DMD: variants seen among roughly 807,000 people sequenced by gnomAD.
DMD encodes dystrophin.
A neutral mutation model predicts 330.1 loss-of-function variants in DMD; 63 were observed. That is an observed-to-expected ratio of 0.19 (90% CI 0.16 to 0.24). The LOEUF (loss-of-function observed/expected upper bound fraction) is 0.24, where lower values mean the gene tolerates loss of function less well. DMD is among the 10% of genes least tolerant of loss of function. DMD has a pLI of 1.00. For missense variants in DMD, 3,344 were observed against 2,684.1 expected, an observed-to-expected ratio of 1.25 and a Z score of -5.43; for synonymous variants, 1,223 against 959.8, an observed-to-expected ratio of 1.27 and a Z score of -5.07.
At chrX:32,301,364 T>G (rs2097523283) in intron 42 of DMD, among the ~76,000 whole-genome samples, 1 of 110,558 alleles carries the variant, frequency 9.0e-6, no homozygotes, top group South Asian at 3.8e-4. Context: ...TTGCCTGTGG[T>G]TTGGCAAATT....
At chrX:32,042,226 T>G (rs1424678211) in intron 44 of DMD, among the ~76,000 whole-genome samples, 1 of 105,455 alleles carries the variant, frequency 9.5e-6, no homozygotes, top group Non-Finnish European at 1.9e-5. Context: ...CACACATATA[T>G]GTGCAATAAA....
intron 62 of DMD, among the ~76,000 whole-genome samples, chrX:31,287,634 C>T (rs12014197): frequency 0.33 from 36,562 of 111,010 alleles, 5,290 homozygotes; most frequent in African/African-American, 0.54. Flanking sequence ...GAGAAGAAAG[C>T]ATAATCTATA....
At chrX:32,687,992 A>T (rs1020616842) in intron 9 of DMD, among the ~76,000 whole-genome samples, 1 of 112,026 alleles carries the variant, frequency 8.9e-6, no homozygotes, top group African/African-American at 3.2e-5. Context: ...AAAAAGTATT[A>T]AAATAAATGT....
intron 55 of DMD, among the ~76,000 whole-genome samples, chrX:31,589,507 G>T (rs1336681229): frequency 9.0e-6 from 1 of 111,581 alleles, no homozygotes; most frequent in Non-Finnish European, 1.9e-5. Context: ...GGAATGAGCT[G>T]TTGGCATTCT....
intron 25 of DMD, among the ~76,000 whole-genome samples, chrX:32,460,428 C>G (rs1436811429): frequency 9.1e-6 from 1 of 109,388 alleles, no homozygotes; most frequent in Non-Finnish European, 1.9e-5. Flanking sequence ...TTGATTTATT[C>G]TTCTTCTAAT....
At chrX:32,349,709 C>T (rs1401567253) in intron 37 of DMD, among the ~76,000 whole-genome samples, 3 of 111,860 alleles carry the variant, frequency 2.7e-5, no homozygotes, top group Non-Finnish European at 5.7e-5. Context: ...TGACATGATT[C>T]TCATATGCAA....
intron 29 of DMD, among the ~76,000 whole-genome samples, chrX:32,424,659 T>G (rs980262217): frequency 3.6e-5 from 4 of 111,142 alleles, no homozygotes; most frequent in Admixed American, 2.9e-4. Context: ...TTTTTGAGTA[T>G]GGGACCCAGT....
chrX:31,465,210 T>TA (rs2066771325), intron 59 of DMD, among the ~76,000 whole-genome samples: 1 of 111,620 alleles, frequency 9.0e-6, no homozygotes, highest in Non-Finnish European at 1.9e-5. Flanking sequence ...GGATTTTTTT[T>TA]TTATTATTAT....
chrX:32,336,105 C>T (rs189158392), intron 41 of DMD, among the ~76,000 whole-genome samples: 12 of 108,600 alleles, frequency 1.1e-4, no homozygotes, highest in South Asian at 3.9e-4. Context: ...TGTATACGTA[C>T]ATGTTATATA....
chrX:32,796,020 A>C (rs1176447202), intron 7 of DMD, among the ~76,000 whole-genome samples: 1 of 111,815 alleles, frequency 8.9e-6, no homozygotes, highest in Admixed American at 9.5e-5. Context: ...AATATAAGTC[A>C]GTATAGCCAC....
intron 11 of DMD, among the ~76,000 whole-genome samples, chrX:32,627,636 T>A (rs1431661120): frequency 9.0e-6 from 1 of 111,002 alleles, no homozygotes; most frequent in East Asian, 2.8e-4. Flanking sequence ...CGGGGCCTGC[T>A]TCACAATCAT....
chrX:31,938,285 G>C (rs2094948804), intron 45 of DMD, among the ~76,000 whole-genome samples: 1 of 111,315 alleles, frequency 9.0e-6, no homozygotes, highest in African/African-American at 3.3e-5. Context: ...AAGTTCTAGA[G>C]ATTGATACAT....
chrX:32,494,426 A>C (rs2043289457), intron 19 of DMD, among the ~76,000 whole-genome samples: 1 of 111,288 alleles, frequency 9.0e-6, no homozygotes, highest in Admixed American at 9.6e-5. Flanking sequence ...CAGAGAAATG[A>C]CCGGTGAGAA....
rs747470475 is a variant in DMD at position 33,197,739 on chromosome X, A to T, written c.31+13543T>A. 2.7e-5 allele frequency among the ~76,000 whole-genome samples: 3 copies of T among 111,715 alleles called. No individual in the cohort carries two copies. In the South Asian group the frequency reaches 1.1e-3, roughly 42 times the overall value. ...GCTCAATATGGTGCTCTTGACATCCATTGGAGTTGTGAATATTGAGTATCA... is the reference window on the plus strand; with the variant it reads ...GCTCAATATGGTGCTCTTGACATCCTTTGGAGTTGTGAATATTGAGTATCA... On this transcript the variant is annotated intron_variant, in intron 1 of 78. Coordinates refer to ENST00000357033, the MANE Select transcript of DMD (RefSeq NM_004006.3).
intron 1 of DMD, among the ~76,000 whole-genome samples, chrX:33,121,254 G>A (rs182357405): frequency 0.028 from 2,959 of 104,524 alleles, 129 homozygotes; most frequent in African/African-American, 0.099. Context: ...TTATTGAGAC[G>A]GAGTCTTCCT....
intron 2 of DMD, among the ~76,000 whole-genome samples, chrX:32,963,697 G>GATAA (rs2147063773): frequency 8.9e-6 from 1 of 111,969 alleles, no homozygotes; most frequent in Admixed American, 9.5e-5. Context: ...ATAATCCAGA[G>GATAA]ATAAATGTTA....
chrX:31,835,167 ATCTC>A (rs920575072), intron 49 of DMD, among the ~76,000 whole-genome samples: 2 of 111,263 alleles, frequency 1.8e-5, no homozygotes, highest in Admixed American at 1.9e-4. Flanking sequence ...TTTAATTAAG[ATCTC>A]TCTCTCTCTC....
At chrX:32,035,972 A>T in intron 44 of DMD, among the ~76,000 whole-genome samples, 1 of 111,781 alleles carries the variant, frequency 8.9e-6, no homozygotes, top group African/African-American at 3.3e-5. Context: ...AACATTTAAG[A>T]ATCTGAAAGG....
chrX:31,650,706 T>G (rs1410665261), intron 54 of DMD, among the ~76,000 whole-genome samples: 3 of 112,104 alleles, frequency 2.7e-5, no homozygotes, highest in African/African-American at 9.7e-5. Context: ...CACTATTTGC[T>G]TTTCTTCCCA....
Sources: gnomAD v4.1 joint callset for allele counts (sites outside exome capture counted in the v4.1 genomes callset) on GRCh38, gnomAD v4.1.1 for gene constraint, MANE v1.5 for transcripts, NCBI Gene and HGNC (gene_info 2026-07-23, HGNC 2026-07-21) for gene names.